The following ARGLU1 variants were observed in gnomAD, a reference collection of about 807,000 sequenced individuals.
ARGLU1 encodes the protein arginine and glutamate rich 1.
ARGLU1 carries 9 observed loss-of-function variants against 37.6 expected under a neutral mutation model. That is an observed-to-expected ratio of 0.24 (90% CI 0.14 to 0.42). The LOEUF is 0.42. ARGLU1 is among the 10% of genes least tolerant of loss of function. ARGLU1 has a pLI of 1.00. For synonymous variants in ARGLU1, 166 were observed against 138.5 expected (o/e 1.20, Z -1.39); for missense variants, 211 against 359.2 (o/e 0.59, Z 3.34).
chr13:106,544,226 C>A, intron 3 of ARGLU1, 66 bp from the exon 4 acceptor site: 1 of 1,380,578 alleles, frequency 7.2e-7, no homozygotes, highest in South Asian at 1.6e-5. Flanking sequence ...ACCCCTGCAA[C>A]AGGTGTTATC....
At chr13:106,556,060 C>T (rs1458869769) in intron 3 of ARGLU1, among the ~76,000 whole-genome samples, 4 of 152,158 alleles carry the variant, frequency 2.6e-5, no homozygotes, top group African/African-American at 9.7e-5. Flanking sequence ...CTGAGGTTCT[C>T]TCCTTATATG....
chr13:106,567,454 C>T lies in ARGLU1; in HGVS notation c.347+119G>A. 1.5e-6 allele frequency: 1 copy of T among 685,782 alleles called. No individual in the cohort carries two copies. The highest frequency in any genetic ancestry group is 2.3e-6 in the Non-Finnish European group (1 of 441,620). 42.5% of individuals were successfully genotyped at this position (685,782 alleles called of 1,614,324 possible). On this transcript the variant is annotated intron_variant, in intron 1 of 3. Coordinates refer to ENST00000400198, the MANE Select transcript of ARGLU1 (RefSeq NM_018011.4). This position sits in a 1 kb window ranked among gnomAD's most constrained non-coding sequence, Gnocchi z 4.3. Reference sequence around the variant, plus strand: ...TCTCCGACCCGTTCCCGCGCCCGGTCCCCAGCCCCGGACCGTCCCCGCCAT... The same window carrying T: ...TCTCCGACCCGTTCCCGCGCCCGGTTCCCAGCCCCGGACCGTCCCCGCCAT...
intron 3 of ARGLU1, among the ~76,000 whole-genome samples, chr13:106,553,217 C>A (rs1880578447): frequency 6.6e-6 from 1 of 152,114 alleles, no homozygotes; most frequent in African/African-American, 2.4e-5. Context: ...GCTTATTTTT[C>A]TGTCTCTTAA....
intron 3 of ARGLU1, among the ~76,000 whole-genome samples, chr13:106,549,243 G>A (rs1192315741): frequency 6.6e-6 from 1 of 152,088 alleles, no homozygotes; most frequent in Non-Finnish European, 1.5e-5. Flanking sequence ...AAAATCCATA[G>A]AAATATTTCA....
rs532246209 is a variant in ARGLU1, at chr13:106,553,087, C to T, written c.657+3961G>A. Among the ~76,000 whole-genome samples, 4 of 152,138 alleles carry T rather than the reference C, an allele frequency of 2.6e-5. No homozygotes were observed. In the South Asian group the frequency reaches 6.2e-4, roughly 24 times the overall value. On this transcript the variant is annotated intron_variant, in intron 3 of 3. Transcript: ENST00000400198. The stretch of plus-strand genomic sequence containing the variant: ...CAAAAGTATGACTTTAACTTCTTTA[C>T]TAGTATTTCTATGTGATAAAAAAAA...
chr13:106,548,730 G>A (rs1248141452), intron 3 of ARGLU1, among the ~76,000 whole-genome samples: 1 of 152,136 alleles, frequency 6.6e-6, no homozygotes, highest in African/African-American at 2.4e-5. Context: ...ACCCCTCCCA[G>A]TAATCTCTGC....
Position 106,567,433 on chromosome 13 carries a change from C to T in ARGLU1, c.347+140G>A. 1 of 574,178 alleles carries T rather than the reference C, an allele frequency of 1.7e-6. No homozygotes were observed. The highest frequency in any genetic ancestry group is 2.9e-6 in the Non-Finnish European group (1 of 349,188). 35.6% of individuals were successfully genotyped at this position (574,178 alleles called of 1,614,324 possible). ...CCTGCCCGCCCCGCCGCCGCCTCTC[C>T]GACCCGTTCCCGCGCCCGGTCCCCA... On this transcript the variant is annotated intron_variant, in intron 1 of 3. Transcript: ENST00000400198. This position sits in a 1 kb window ranked among gnomAD's most constrained non-coding sequence, Gnocchi z 4.3.
At position 106,542,287 on chromosome 13, in the gene ARGLU1, C is replaced by CA. The variant is rs1013601449; in HGVS notation, c.*1708dup. ...GAACTTAGGAACCATGAATCTTCACCAAAAAAAGTTACATTGAAAAAAAAA... is the reference window on the plus strand; with the variant it reads ...GAACTTAGGAACCATGAATCTTCACCAAAAAAAAGTTACATTGAAAAAAAAA... On this transcript the variant is annotated 3_prime_UTR_variant, in exon 4 of 4. Coordinates refer to ENST00000400198, the MANE Select transcript of ARGLU1 (RefSeq NM_018011.4). 4 of 148,478 alleles carry CA rather than the reference C, an allele frequency of 2.7e-5. No individual in the cohort carries two copies. The highest frequency in any genetic ancestry group is 4.5e-5 in the Non-Finnish European group (3 of 67,136). 9.2% of individuals were successfully genotyped at this position (148,478 alleles called of 1,614,324 possible).
chr13:106,548,363 C>T (rs530512303), intron 3 of ARGLU1, among the ~76,000 whole-genome samples: 1 of 152,234 alleles, frequency 6.6e-6, no homozygotes, highest in African/African-American at 2.4e-5. Context: ...TTCCTGATGA[C>T]TTGACTTGCC....
At chr13:106,558,832 C>A (rs1646582864) in intron 2 of ARGLU1, 1 of 985,094 alleles carries the variant, frequency 1.0e-6, no homozygotes, top group Admixed American at 6.2e-5. Flanking sequence ...TAAAAAGATT[C>A]CTTGAAACAC....
At position 106,568,076 on chromosome 13, in the gene ARGLU1, G is replaced by A; in HGVS notation, c.-157C>T. ...ATGCCTTTTCCCGGCGTCTACAGCT[G>A]CCACGAAGGCCGCCTCCAACGAGAA... On this transcript the variant is annotated 5_prime_UTR_variant, in exon 1 of 4. Coordinates refer to ENST00000400198, the MANE Select transcript of ARGLU1 (RefSeq NM_018011.4). 8.6e-7 allele frequency: 1 copy of A among 1,162,234 alleles called. No homozygotes were observed. Among genetic ancestry groups the A allele is most frequent in the Admixed American group, 3.7e-5 (1 of 27,030 alleles). The allele number at this position is 1,162,234 out of a possible 1,614,324, so 72.0% of individuals were successfully genotyped here.
At chr13:106,566,246 G>A (rs534807294) in intron 1 of ARGLU1, among the ~76,000 whole-genome samples, 1 of 152,312 alleles carries the variant, frequency 6.6e-6, no homozygotes, top group African/African-American at 2.4e-5. Context: ...AAGCAAAACA[G>A]CTCCAGGTAC....
At position 106,543,738 on chromosome 13, in the gene ARGLU1, A is replaced by T; in HGVS notation, c.*258T>A. On this transcript the variant is annotated 3_prime_UTR_variant, in exon 4 of 4. Transcript: ENST00000400198. Reference sequence around the variant, plus strand: ...TACAATGTGATCTGCTCTTCCTCAGACCACTAATATAGAATCCAAACAGGT... The same window carrying T: ...TACAATGTGATCTGCTCTTCCTCAGTCCACTAATATAGAATCCAAACAGGT... 2.9e-6 allele frequency: 1 copy of T among 339,158 alleles called. No homozygotes were observed. The highest frequency in any genetic ancestry group is 5.3e-6 in the Non-Finnish European group (1 of 189,952). The allele number at this position is 339,158 out of a possible 1,614,324, so 21.0% of individuals were successfully genotyped here. A position where few individuals can be genotyped will look rare whatever the true frequency, so the allele number is the denominator to read the frequency against.
Position 106,543,035 on chromosome 13 carries a change from T to C in ARGLU1, c.*961A>G, listed in dbSNP as rs1220451783. On this transcript the variant is annotated 3_prime_UTR_variant, in exon 4 of 4. Coordinates refer to ENST00000400198, the MANE Select transcript of ARGLU1 (RefSeq NM_018011.4). Reference sequence around the variant, plus strand: ...CTTTATTAAGTATACTTTGTGATAATACTTATATCCTAAAACAGAGGCACA... The same window carrying C: ...CTTTATTAAGTATACTTTGTGATAACACTTATATCCTAAAACAGAGGCACA... The C allele has an allele frequency of 6.6e-6, 1 of 152,066 alleles. No individual in the cohort carries two copies. Among genetic ancestry groups the C allele is most frequent in the Non-Finnish European group, 1.5e-5 (1 of 67,936 alleles). The allele number at this position is 152,066 out of a possible 1,614,324, so 9.4% of individuals were successfully genotyped here. A position where few individuals can be genotyped will look rare whatever the true frequency, so the allele number is the denominator to read the frequency against.
chr13:106,558,857 G>A (rs1880722790), intron 2 of ARGLU1: 2 of 985,336 alleles, frequency 2.0e-6, no homozygotes, highest in Non-Finnish European at 2.4e-6. Context: ...GGAAAATGGA[G>A]GGCCTTATGA....
chr13:106,568,039 C>A lies in ARGLU1; in HGVS notation c.-120G>T. On this transcript the variant is annotated 5_prime_UTR_variant, in exon 1 of 4. Coordinates refer to ENST00000400198, the MANE Select transcript of ARGLU1 (RefSeq NM_018011.4). ...AGGCCGGAGGAAAGAAAGGTGTCGG[C>A]CAACGGACTTTATGCCTTTTCCCGG... 1.4e-6 allele frequency: 2 copies of A among 1,408,522 alleles called. No homozygotes were observed. Among genetic ancestry groups the A allele is most frequent in the Non-Finnish European group, 1.9e-6 (2 of 1,079,312 alleles). The allele number at this position is 1,408,522 out of a possible 1,614,324, so 87.3% of individuals were successfully genotyped here. A position where few individuals can be genotyped will look rare whatever the true frequency, so the allele number is the denominator to read the frequency against.
intron 3 of ARGLU1, 97 bp from the exon 4 acceptor site, chr13:106,544,257 A>AT (rs1880335780): frequency 9.0e-7 from 1 of 1,105,580 alleles, no homozygotes; most frequent in Admixed American, 3.2e-5. Flanking sequence ...CTACAAAAAA[A>AT]TTTTTAATGC....
At position 106,567,921 on chromosome 13, in the gene ARGLU1, C is replaced by A; in HGVS notation, c.-2G>T. 6.2e-7 allele frequency: 1 copy of A among 1,605,858 alleles called. No homozygotes were observed. The highest frequency in any genetic ancestry group is 8.5e-7 in the Non-Finnish European group (1 of 1,179,004). On this transcript the variant is annotated 5_prime_UTR_variant, in exon 1 of 4. It adds an upstream start codon to the 5' untranslated region. Coordinates refer to ENST00000400198, the MANE Select transcript of ARGLU1 (RefSeq NM_018011.4). The surrounding 1 kb of genome is among the most constrained non-coding windows in gnomAD (Gnocchi z 4.3). The stretch of plus-strand genomic sequence containing the variant: ...GCTCCGGCTCCGAGACCGGCCCATC[C>A]TTCCGGGAGACGCTCTAACCGCTCG...
chr13:106,559,056 CAG>C, intron 2 of ARGLU1: 1 of 1,205,270 alleles, frequency 8.3e-7, no homozygotes, highest in Non-Finnish European at 1.0e-6. Context: ...AACAGAGTGA[CAG>C]AATAGAAGAA....
Sources: gnomAD v4.1 joint callset for allele counts (sites outside exome capture counted in the v4.1 genomes callset) on GRCh38, gnomAD v4.1.1 for gene constraint, Gnocchi (gnomAD v3.1) non-coding constraint, MANE v1.5 for transcripts, NCBI Gene and HGNC (gene_info 2026-07-23, HGNC 2026-07-21) for gene names.